The following ERCC2 variants were observed in gnomAD, a reference collection of about 807,000 sequenced individuals.
ERCC2 encodes the protein general transcription and DNA repair factor IIH helicase subunit XPD.
A neutral mutation model predicts 99.4 loss-of-function variants in ERCC2; 90 were observed. The observed-to-expected ratio is 0.91, with a 90% CI of 0.76 to 1.08. The LOEUF is 1.08. Among genes scored for constraint, ERCC2 ranks in the 50% least tolerant of loss-of-function variants. The pLI is 0.00. For missense variants in ERCC2, 993 were observed against 1,038.1 expected, an observed-to-expected ratio of 0.96 and a Z score of 0.60; for synonymous variants, 497 against 432.4, an observed-to-expected ratio of 1.15 and a Z score of -1.85.
At chr19:45,360,875 G>A (rs940874209) in intron 12 of ERCC2, among the ~76,000 whole-genome samples, 11 of 150,556 alleles carry the variant, frequency 7.3e-5, no homozygotes, top group Admixed American at 2.0e-4. Context: ...GCTCACGCCT[G>A]TAATCCCAGC....
chr19:45,364,072 A>G lies in ERCC2; in HGVS notation c.863T>C (p.Leu288Pro). The change falls in exon 10 of 23, where the codon CTG becomes CCG. Residue 288 changes from leucine to proline, a missense_variant. By Grantham distance (98) the Leu-to-Pro change is moderately conservative (BLOSUM62 -3). Coordinates refer to ENST00000391945, the MANE Select transcript of ERCC2 (RefSeq NM_000400.4). ...EQRLRDEYRR[L>P]VEGLREASAA... is the part of the protein sequence containing the mutation. The stretch of plus-strand genomic sequence containing the variant: ...GCTGGCCTCCCGCAGCCCCTCCACC[A>G]GACGCCGGTACTCGTCCCGCAGGCG... 1 of 1,590,172 alleles carries G rather than the reference A, an allele frequency of 6.3e-7. No individual in the cohort carries two copies. The highest frequency in any genetic ancestry group is 8.6e-7 in the Non-Finnish European group (1 of 1,169,100).
At chr19:45,363,361 C>G (rs1972292649) in intron 11 of ERCC2, among the ~76,000 whole-genome samples, 1 of 152,162 alleles carries the variant, frequency 6.6e-6, no homozygotes, top group Admixed American at 6.5e-5. Flanking sequence ...CCTGTCCAGG[C>G]CCCCACCAGT....
Position 45,357,138 on chromosome 19 carries a change from C to G in ERCC2, c.1479+132G>C, listed in dbSNP as rs1972038569. 7 of 658,110 alleles carry G rather than the reference C, an allele frequency of 1.1e-5. No homozygotes were observed. In the South Asian group the frequency reaches 1.2e-4, roughly 12 times the overall value. 40.8% of individuals were successfully genotyped at this position (658,110 alleles called of 1,614,324 possible). A position where few individuals can be genotyped will look rare whatever the true frequency, so the allele number is the denominator to read the frequency against. ...CAGAGAAGCAGAATCAAGCCTAAGT[C>G]TGTCTGAATCCCGAACCCAGCCTCT... On this transcript the variant is annotated intron_variant, in intron 15 of 22. Transcript: ENST00000391945.
At position 45,350,760 on chromosome 19, in the gene ERCC2, CAGGTCGGCAAAG is replaced by C; in HGVS notation, c.*857_*868del. The C allele has an allele frequency of 6.2e-7, 1 of 1,601,894 alleles. No homozygotes were observed. On this transcript the variant is annotated 3_prime_UTR_variant, in exon 23 of 23. Coordinates refer to ENST00000391945, the MANE Select transcript of ERCC2 (RefSeq NM_000400.4). ...CAGGAGCAGCCGGGTGAGTGTTGAT[CAGGTCGGCAAAG>C]AGCCCTGACATCAGCAGAATCCACA...
rs190678702 is a variant in ERCC2, at chr19:45,353,140, G to A, written c.1774C>T (p.Arg592Cys). 48 of 1,613,772 alleles carry A rather than the reference G, an allele frequency of 3.0e-5. No individual in the cohort carries two copies. Among genetic ancestry groups the A allele is most frequent in the Admixed American group, 1.0e-4 (6 of 60,024 alleles). The change falls in exon 19 of 23, where the codon CGC (arginine) becomes TGC (cysteine). Residue 592 changes from arginine to cysteine, a missense_variant. Transcript: ENST00000391945. Reference protein sequence around the residue: ...EKYQEACENGRGAILLSVARG... With the variant: ...EKYQEACENGCGAILLSVARG... The stretch of plus-strand genomic sequence containing the variant: ...GCCACTGACAGCAGGATGGCCCCGC[G>A]GCCATTCTCGCAGGCCTGAGGTGGG...
rs762724929 is a variant in ERCC2, at chr19:45,352,609, TCA to T, written c.1941_1942del (p.Asn649Ter). The stretch of plus-strand genomic sequence containing the variant: ...GGCATCGAAGGTAAGAAAGTCATTC[TCA>T]CGAATCTGGAACTGGTCCCGCAGGT... On this transcript the variant is annotated frameshift_variant, in exon 21 of 23. Coordinates refer to ENST00000391945, the MANE Select transcript of ERCC2 (RefSeq NM_000400.4). LOFTEE classifies it high-confidence loss of function. 2 of 1,613,840 alleles carry T rather than the reference TCA, an allele frequency of 1.2e-6. No individual in the cohort carries two copies. Among genetic ancestry groups the T allele is most frequent in the Admixed American group, 3.3e-5 (2 of 59,992 alleles).
chr19:45,367,529 T>TG (rs1301787291), intron 5 of ERCC2, among the ~76,000 whole-genome samples: 1 of 151,378 alleles, frequency 6.6e-6, no homozygotes, highest in African/African-American at 2.4e-5. Flanking sequence ...ATTTTTTTTT[T>TG]TTTTTGAGAC....
chr19:45,350,598 C>A lies in ERCC2; in HGVS notation c.*1031G>T. The A allele has an allele frequency of 6.2e-7, 1 of 1,613,540 alleles. No homozygotes were observed. The highest frequency in any genetic ancestry group is 8.5e-7 in the Non-Finnish European group (1 of 1,179,624). On this transcript the variant is annotated 3_prime_UTR_variant, in exon 23 of 23. Coordinates refer to ENST00000391945, the MANE Select transcript of ERCC2 (RefSeq NM_000400.4). ...GCTCCTGGGGTGGGCGTGGGGACTG[C>A]ATGGGCCTGGGGGACTGAGCAGCAT...
chr19:45,350,795 A>ACAGCC lies in ERCC2; in HGVS notation c.*829_*833dup, dbSNP rs1336399951. On this transcript the variant is annotated 3_prime_UTR_variant, in exon 23 of 23. Transcript: ENST00000391945. The stretch of plus-strand genomic sequence containing the variant: ...AAGAGCCCTGACATCAGCAGAATCC[A>ACAGCC]CAGCCCACCCCACCCCCACCCCCAT... The ACAGCC allele has an allele frequency of 1.3e-6, 2 of 1,510,166 alleles. No individual in the cohort carries two copies. Among genetic ancestry groups the ACAGCC allele is most frequent in the Admixed American group, 1.9e-5 (1 of 53,220 alleles). 93.5% of individuals were successfully genotyped at this position (1,510,166 alleles called of 1,614,324 possible). A position where few individuals can be genotyped will look rare whatever the true frequency, so the allele number is the denominator to read the frequency against.
chr19:45,358,096 A>G (rs1972077093), intron 12 of ERCC2: 6 of 326,010 alleles, frequency 1.8e-5, no homozygotes, highest in Non-Finnish European at 3.6e-5. Context: ...CCCAGGCTAG[A>G]GTGCAGTGGC....
At position 45,352,832 on chromosome 19, in the gene ERCC2, GA is replaced by G. The variant is rs779286501; in HGVS notation, c.1832-17del. Reference sequence around the variant, plus strand: ...TAGTGGTGCACTGGTGGGCAGAGGAGAGGGGGCGAGGGGGGTTACAAGTGTG... The same window carrying G: ...TAGTGGTGCACTGGTGGGCAGAGGAGGGGGGCGAGGGGGGTTACAAGTGTG... On this transcript the variant is annotated splice_polypyrimidine_tract_variant and intron_variant, in intron 19 of 22. Transcript: ENST00000391945. 1.2e-5 allele frequency: 19 copies of G among 1,612,238 alleles called. No individual in the cohort carries two copies. Among genetic ancestry groups the G allele is most frequent in the Non-Finnish European group, 1.6e-5 (19 of 1,178,754 alleles).
chr19:45,352,786 A>C lies in ERCC2; in HGVS notation c.1862T>G (p.Phe621Cys). The C allele has an allele frequency of 6.2e-7, 1 of 1,611,114 alleles. No homozygotes were observed. The highest frequency in any genetic ancestry group is 1.1e-5 in the South Asian group (1 of 90,928). Reference protein sequence around the residue: ...VHHYGRAVIMFGVPYVYTQSR... With the variant: ...VHHYGRAVIMCGVPYVYTQSR... The stretch of plus-strand genomic sequence containing the variant: ...CTGTGTGTAGACGTAGGGGACGCCA[A>C]ACATGATGACGGCCCGCCCGTAGTG... Residue 621 changes from phenylalanine to cysteine, a missense_variant, in exon 20 of 23, where the codon TTT (phenylalanine) becomes TGT (cysteine). Physicochemically the swap from Phe to Cys is radical, Grantham distance 205 (BLOSUM62 -2). Around this residue, in one of 3 missense-constraint regions of ERCC2, gnomAD observed 909 missense variants for 930.8 expected, o/e 0.98. Coordinates refer to ENST00000391945, the MANE Select transcript of ERCC2 (RefSeq NM_000400.4).
intron 19 of ERCC2, 53 bp from the exon 20 acceptor site, chr19:45,352,869 C>G: frequency 1.3e-6 from 2 of 1,545,490 alleles, no homozygotes; most frequent in Non-Finnish European, 1.8e-6. Flanking sequence ...GCTGGTGGGA[C>G]AGGGACAGCC....
intron 15 of ERCC2, 114 bp downstream of exon 15, chr19:45,357,156 C>G: frequency 2.7e-6 from 2 of 742,668 alleles, no homozygotes; most frequent in South Asian, 3.2e-5. Flanking sequence ...ATCCCGAACC[C>G]AGCCTCTTCG....
chr19:45,367,519 AT>A (rs11429224), intron 5 of ERCC2, among the ~76,000 whole-genome samples: 41 of 144,410 alleles, frequency 2.8e-4, no homozygotes, highest in Non-Finnish European at 3.3e-4. Flanking sequence ...AGTGAGTACA[AT>A]TTTTTTTTTT....
rs530045760 is a variant in ERCC2, at chr19:45,363,887, G to C, written c.974C>G (p.Thr325Arg). 1 of 1,549,746 alleles carries C rather than the reference G, an allele frequency of 6.5e-7. No homozygotes were observed. Among genetic ancestry groups the C allele is most frequent in the African/African-American group, 1.4e-5 (1 of 73,660 alleles). Residue 325 changes from threonine to arginine, a missense_variant, in exon 11 of 23, where the codon ACG becomes AGG. Thr to Arg is a moderately conservative substitution (Grantham distance 71, BLOSUM62 -1). Around this residue, in one of 3 missense-constraint regions of ERCC2, gnomAD observed 909 missense variants for 930.8 expected, o/e 0.98. Transcript: ENST00000391945. ...CAGGAAGCCCAGGAAATGCTCGGCC[G>C]TGCGGATGGAGCCAGGCACTGCCTC... ...LQEAVPGSIR[T>R]AEHFLGFLRR...
chr19:45,367,253 T>C (rs1389685212), intron 5 of ERCC2, among the ~76,000 whole-genome samples: 2 of 151,938 alleles, frequency 1.3e-5, no homozygotes, highest in Non-Finnish European at 2.9e-5. Context: ...GAGAATTGCT[T>C]GAACCCGGGA....
In ERCC2 at chr19:45,350,661, A is replaced by C. The variant is rs748545288; in HGVS notation, c.*968T>G. ...CCCAGGCCCTTCGCCGCAGCAGCTCACTCTCCAAGATCCGTGAGTCTATCA... is the reference window on the plus strand; with the variant it reads ...CCCAGGCCCTTCGCCGCAGCAGCTCCCTCTCCAAGATCCGTGAGTCTATCA... On this transcript the variant is annotated 3_prime_UTR_variant, in exon 23 of 23. Coordinates refer to ENST00000391945, the MANE Select transcript of ERCC2 (RefSeq NM_000400.4). 1 of 1,612,472 alleles carries C rather than the reference A, an allele frequency of 6.2e-7. No homozygotes were observed. Among genetic ancestry groups the C allele is most frequent in the South Asian group, 1.1e-5 (1 of 90,996 alleles).
chr19:45,364,163 G>C (rs769481505), intron 9 of ERCC2, 44 bp from the exon 10 acceptor site: 30 of 1,611,604 alleles, frequency 1.9e-5, no homozygotes, highest in Non-Finnish European at 2.5e-5. Context: ...TGGCAACCCT[G>C]GGGACAAGTC....
Sources: allele counts gnomAD v4.1 joint callset (sites outside exome capture counted in the v4.1 genomes callset), GRCh38; gene constraint gnomAD v4.1.1; regional missense constraint gnomAD v4.1.1; transcripts MANE v1.5; gene names NCBI Gene and HGNC (gene_info 2026-07-23, HGNC 2026-07-21).